MUC12: variants seen among roughly 807,000 people sequenced by gnomAD.
MUC12 encodes the protein mucin 12, cell surface associated.
MUC12 carries 172 observed loss-of-function variants against 230.8 expected under a neutral mutation model. The observed-to-expected ratio is 0.75, with a 90% CI of 0.66 to 0.85. MUC12 has a LOEUF of 0.85. Ranked by LOEUF, MUC12 falls within the 40% of genes least tolerant of loss-of-function variation. MUC12 has a pLI of 0.00. For synonymous variants in MUC12, 1,259 were observed against 2,401.9 expected (o/e 0.52, Z 13.91); for missense variants, 3,506 against 5,920.6 (o/e 0.59, Z 13.38).
At chr7:100,970,932 G>A (rs1008776876) in intron 1 of MUC12, among the ~76,000 whole-genome samples, 1 of 151,934 alleles carries the variant, frequency 6.6e-6, no homozygotes, top group Admixed American at 6.6e-5. Context: ...GGGAGGCGGA[G>A]CCTGCAGTGA....
intron 1 of MUC12, among the ~76,000 whole-genome samples, chr7:100,978,923 C>T (rs1793067331): frequency 6.6e-6 from 1 of 152,170 alleles, no homozygotes. Context: ...GAGCCTTCTG[C>T]CTCAGCCTCT....
chr7:100,973,039 G>A lies in MUC12; in HGVS notation c.67+3350G>A, dbSNP rs200695576. 1,845 of 627,534 alleles carry A rather than the reference G, an allele frequency of 2.9e-3. No individual in the cohort carries two copies. In the Middle Eastern group the frequency reaches 0.034, roughly 12 times the overall value. The allele number at this position is 627,534 out of a possible 1,614,324, so 38.9% of individuals were successfully genotyped here. A position where few individuals can be genotyped will look rare whatever the true frequency, so the allele number is the denominator to read the frequency against. On this transcript the variant is annotated intron_variant, in intron 1 of 11. Transcript: ENST00000536621. Reference sequence around the variant, plus strand: ...GATGTTTGCTGGGGAGAGTGTGGTGGTGCTGGTGCATTTGTGGATGACAGG... The same window carrying A: ...GATGTTTGCTGGGGAGAGTGTGGTGATGCTGGTGCATTTGTGGATGACAGG...
rs1314524893 is a variant in MUC12, at chr7:100,991,504, C to T, written c.941C>T (p.Thr314Ile). 3.9e-6 allele frequency: 6 copies of T among 1,537,258 alleles called. No homozygotes were observed. Among genetic ancestry groups the T allele is most frequent in the Non-Finnish European group, 3.5e-6 (4 of 1,146,532 alleles). ...TYHSSPSSTPTTHFSASSTTL... is the reference protein window; with the variant it reads ...TYHSSPSSTPITHFSASSTTL... ...CACAGCAGCCCGAGCTCAACTCCAA[C>T]AACCCACTTTTCTGCCAGCTCCACA... Residue 314 changes from threonine to isoleucine, a missense_variant, in exon 2 of 12, where the codon ACA becomes ATA. By Grantham distance (89) the Thr-to-Ile change is moderately conservative (BLOSUM62 -1). Transcript: ENST00000536621.
intron 1 of MUC12, among the ~76,000 whole-genome samples, chr7:100,980,072 C>G (rs1793083378): frequency 6.6e-6 from 1 of 151,172 alleles, no homozygotes. Flanking sequence ...TTAGATGAGT[C>G]TCGCTCTGTT....
At chr7:100,985,374 G>A (rs944043080) in intron 1 of MUC12, among the ~76,000 whole-genome samples, 1 of 152,188 alleles carries the variant, frequency 6.6e-6, no homozygotes, top group African/African-American at 2.4e-5. Flanking sequence ...AATATCTCAA[G>A]CACTGATTTT....
At chr7:101,017,730 C>T in intron 11 of MUC12, 67 bp downstream of exon 11, 1 of 1,202,574 alleles carries the variant, frequency 8.3e-7, no homozygotes, top group Non-Finnish European at 1.2e-6. Context: ...TCCCTCTTCC[C>T]CCGGGACTCC....
chr7:101,013,281 C>T, intron 8 of MUC12, 139 bp downstream of exon 8: 2 of 903,922 alleles, frequency 2.2e-6, no homozygotes, highest in Non-Finnish European at 3.3e-6. Context: ...TACCTCTCCC[C>T]TGTAATCTCA....
chr7:100,988,245 G>A (rs1321362658), intron 1 of MUC12, among the ~76,000 whole-genome samples: 8 of 139,122 alleles, frequency 5.8e-5, no homozygotes, highest in Middle Eastern at 4.3e-3. Flanking sequence ...GCAATGAGCC[G>A]AGATCGCGCC....
At chr7:101,010,450 C>T (rs904948698) in intron 5 of MUC12, among the ~76,000 whole-genome samples, 1 of 152,156 alleles carries the variant, frequency 6.6e-6, no homozygotes, top group African/African-American at 2.4e-5. Context: ...AATCCTCCCA[C>T]CTCAGCCTCT....
rs749058241 is a variant in MUC12, at chr7:100,992,419, T to A, written c.1856T>A (p.Leu619Gln). The change falls in exon 2 of 12, where the codon CTG becomes CAG. Residue 619 changes from leucine (L) to glutamine (Q), a missense_variant. Leu to Gln is a moderately radical substitution (Grantham distance 113). Transcript: ENST00000536621. ...HSSTRSPHTT[L>Q]SPAGSTTRQG... ...AGCACCAGATCGCCACACACAACACTGTCCCCTGCCGGCTCTACAACCCGT... is the reference window on the plus strand; with the variant it reads ...AGCACCAGATCGCCACACACAACACAGTCCCCTGCCGGCTCTACAACCCGT... 1.3e-6 allele frequency: 2 copies of A among 1,537,894 alleles called. No homozygotes were observed. Among genetic ancestry groups the A allele is most frequent in the East Asian group, 2.4e-5 (1 of 40,916 alleles).
In MUC12 at chr7:100,991,635, T is replaced by C. The variant is rs781188833; in HGVS notation, c.1072T>C (p.Ser358Pro). 1.3e-6 allele frequency: 2 copies of C among 1,536,872 alleles called. No homozygotes were observed. Among genetic ancestry groups the C allele is most frequent in the African/African-American group, 2.7e-5 (2 of 73,022 alleles). Reference protein sequence around the residue: ...RSATSGHVEESTAYHRSPGST... With the variant: ...RSATSGHVEEPTAYHRSPGST... The stretch of plus-strand genomic sequence containing the variant: ...CGCGACCTCAGGCCATGTTGAAGAA[T>C]CTACAGCCTACCACAGGAGCCCGGG... Residue 358 changes from serine (S) to proline (P), a missense_variant, in exon 2 of 12, where the codon TCT (serine) becomes CCT (proline). By Grantham distance (74) the Ser-to-Pro change is moderately conservative. Transcript: ENST00000536621.
In MUC12 at chr7:100,993,913, C is replaced by A. The variant is rs1189284321; in HGVS notation, c.3350C>A (p.Pro1117His). Residue 1117 changes from proline to histidine, a missense_variant, in exon 2 of 12, where the codon CCT becomes CAT. Coordinates refer to ENST00000536621, the MANE Select transcript of MUC12 (RefSeq NM_001164462.2). ...SPRSPTTTLS[P>H]ASMTSLGVGE... ...AGATCACCAACCACAACACTCTCAC[C>A]TGCCAGCATGACAAGCCTGGGCGTC... 2 of 1,492,652 alleles carry A rather than the reference C, an allele frequency of 1.3e-6. No homozygotes were observed. The highest frequency in any genetic ancestry group is 2.6e-5 in the East Asian group (1 of 38,990). The allele number at this position is 1,492,652 out of a possible 1,614,324, so 92.5% of individuals were successfully genotyped here.
intron 5 of MUC12, among the ~76,000 whole-genome samples, chr7:101,011,661 G>A (rs1447342667): frequency 6.6e-6 from 1 of 151,956 alleles, no homozygotes; most frequent in Admixed American, 6.6e-5. Flanking sequence ...GCCTCAAGCA[G>A]TCCTCCCACC....
chr7:100,990,048 C>T (rs1433073773), intron 1 of MUC12, among the ~76,000 whole-genome samples: 1 of 152,102 alleles, frequency 6.6e-6, no homozygotes, highest in African/African-American at 2.4e-5. Flanking sequence ...CTAGTGACAC[C>T]CTGCCCGCTA....
rs1793659141 is a variant in MUC12, at chr7:101,003,540, C to G, written c.12977C>G (p.Ser4326Cys). 6.5e-7 allele frequency: 1 copy of G among 1,529,888 alleles called. No homozygotes were observed. The highest frequency in any genetic ancestry group is 1.4e-5 in the African/African-American group (1 of 70,592). 94.8% of individuals were successfully genotyped at this position (1,529,888 alleles called of 1,614,324 possible). ...GGCTCTACAACCCGTCAGGGAGAAT[C>G]TACCACCTTCCAGAGCTGGCCAAAC... ...PAGSTTRQGE[S>C]TTFQSWPNSK... The change falls in exon 2 of 12, where the codon TCT (serine) becomes TGT (cysteine). Residue 4326 changes from serine to cysteine, a missense_variant. Coordinates refer to ENST00000536621, the MANE Select transcript of MUC12 (RefSeq NM_001164462.2).
At chr7:100,972,042 C>G in intron 1 of MUC12, 1 of 702,152 alleles carries the variant, frequency 1.4e-6, no homozygotes, top group Non-Finnish European at 2.6e-6. Flanking sequence ...GGGAGTGAGG[C>G]CAGGCAAGTA....
In MUC12 at chr7:100,991,486, GC is replaced by G. The variant is rs1444481082; in HGVS notation, c.926del (p.Pro309ArgfsTer99). On this transcript the variant is annotated frameshift_variant, in exon 2 of 12. Coordinates refer to ENST00000536621, the MANE Select transcript of MUC12 (RefSeq NM_001164462.2). LOFTEE classifies it high-confidence loss of function. ...FVKLSTTYHS[S>X]PSSTPTTHFS... ...AAACTATCTACAACTTATCACAGCA[GC>G]CCGAGCTCAACTCCAACAACCCACT... The G allele has an allele frequency of 3.3e-6, 5 of 1,537,270 alleles. No individual in the cohort carries two copies. In the Admixed American group the frequency reaches 9.8e-5, roughly 30 times the overall value.
Position 100,992,316 on chromosome 7 carries a change from G to A in MUC12, c.1753G>A (p.Gly585Ser). 1.3e-6 allele frequency: 2 copies of A among 1,536,744 alleles called. No individual in the cohort carries two copies. Among genetic ancestry groups the A allele is most frequent in the Non-Finnish European group, 8.7e-7 (1 of 1,146,116 alleles). Reference protein sequence around the residue: ...PEYTTFHSRPGSTETTLLPDN... With the variant: ...PEYTTFHSRPSSTETTLLPDN... ...ATATACTACCTTCCACAGCCGCCCA[G>A]GCTCCACTGAAACAACACTCTTACC... The change falls in exon 2 of 12, where the codon GGC becomes AGC. Residue 585 changes from glycine (G) to serine (S), a missense_variant. Coordinates refer to ENST00000536621, the MANE Select transcript of MUC12 (RefSeq NM_001164462.2).
Position 100,991,452 on chromosome 7 carries a change from G to A in MUC12, c.889G>A (p.Ala297Thr). 3 of 1,537,748 alleles carry A rather than the reference G, an allele frequency of 2.0e-6. No homozygotes were observed. The highest frequency in any genetic ancestry group is 2.7e-5 in the African/African-American group (2 of 73,108). Residue 297 changes from alanine to threonine, a missense_variant, in exon 2 of 12, where the codon GCC becomes ACC. Transcript: ENST00000536621. ...TSPAPSGTTSAFVKLSTTYHS... is the reference protein window; with the variant it reads ...TSPAPSGTTSTFVKLSTTYHS... ...GCCTGCACCTTCTGGTACCACATCAGCCTTTGTTAAACTATCTACAACTTA... is the reference window on the plus strand; with the variant it reads ...GCCTGCACCTTCTGGTACCACATCAACCTTTGTTAAACTATCTACAACTTA...
Sources: gnomAD v4.1 joint callset for allele counts (sites outside exome capture counted in the v4.1 genomes callset) on GRCh38, gnomAD v4.1.1 for gene constraint, MANE v1.5 for transcripts, NCBI Gene and HGNC (gene_info 2026-07-23, HGNC 2026-07-21) for gene names.